ESRP1: variants seen among roughly 807,000 people sequenced by gnomAD.
The protein encoded by ESRP1 is RNA-binding motif protein 35A.
ESRP1 carries 33 observed loss-of-function variants against 81.7 expected under a neutral mutation model. The ratio of observed to expected loss-of-function variants is 0.40; its 90% CI spans 0.31 to 0.54. The LOEUF is 0.54. Ranked by LOEUF, ESRP1 falls within the 20% of genes least tolerant of loss-of-function variation. The probability of loss-of-function intolerance (pLI) is 0.41; values close to 1 mark genes in which losing one functional copy is unlikely to be tolerated. For missense variants in ESRP1, 672 were observed against 833.1 expected, an observed-to-expected ratio of 0.81 and a Z score of 2.38; for synonymous variants, 320 against 303.3, an observed-to-expected ratio of 1.06 and a Z score of -0.57.
intron 2 of ESRP1, among the ~76,000 whole-genome samples, chr8:94,642,999 C>T (rs935196580): frequency 2.6e-5 from 4 of 152,216 alleles, no homozygotes; most frequent in African/African-American, 9.6e-5. Context: ...AATCTGCAGG[C>T]AACCTGCTGA....
At chr8:94,654,676 CT>C (rs1375776722) in intron 4 of ESRP1, among the ~76,000 whole-genome samples, 13 of 152,042 alleles carry the variant, frequency 8.6e-5, no homozygotes, top group Non-Finnish European at 1.5e-5. Context: ...AATCTCACCA[CT>C]TTGGGAAGCT....
At chr8:94,660,530 G>C (rs915273089) in intron 4 of ESRP1, among the ~76,000 whole-genome samples, 1 of 151,932 alleles carries the variant, frequency 6.6e-6, no homozygotes, top group Non-Finnish European at 1.5e-5. Context: ...GCTGAGGTCA[G>C]GAGTTCGAGA....
chr8:94,668,230 A>C lies in ESRP1; in HGVS notation c.1213A>C (p.Thr405Pro). 6.3e-7 allele frequency: 1 copy of C among 1,588,256 alleles called. No homozygotes were observed. Among genetic ancestry groups the C allele is most frequent in the African/African-American group, 1.3e-5 (1 of 74,336 alleles). ...AAGATACATTGAACTCTTCAGGAGC[A>C]CAGCAGCTGAAGTTCAGCAGGTTGG... The part of the protein sequence containing the change: ...GKRYIELFRS[T>P]AAEVQQVLNR... The change falls in exon 10 of 16, where the codon ACA (threonine) becomes CCA (proline). Residue 405 changes from threonine to proline, a missense_variant. Coordinates refer to ENST00000433389, the MANE Select transcript of ESRP1 (RefSeq NM_017697.4).
intron 14 of ESRP1, among the ~76,000 whole-genome samples, chr8:94,693,642 C>T (rs565569328): frequency 2.6e-5 from 4 of 152,246 alleles, no homozygotes; most frequent in South Asian, 2.1e-4. Context: ...TGGATCTGAA[C>T]GTTGCTTGAG....
At chr8:94,669,073 CCA>C (rs1819173765) in intron 10 of ESRP1, among the ~76,000 whole-genome samples, 1 of 152,138 alleles carries the variant, frequency 6.6e-6, no homozygotes, top group African/African-American at 2.4e-5. Context: ...GCATGAGCCA[CCA>C]CGCCTGGCAA....
At chr8:94,643,198 A>C in intron 2 of ESRP1, 105 bp from the exon 3 acceptor site, 99 of 679,766 alleles carry the variant, frequency 1.5e-4, no homozygotes, top group Non-Finnish European at 2.2e-4. Context: ...GTCACCCATC[A>C]GGGCCCTTAT....
At chr8:94,680,481 G>A (rs1386021411) in intron 13 of ESRP1, among the ~76,000 whole-genome samples, 2 of 152,048 alleles carry the variant, frequency 1.3e-5, no homozygotes, top group African/African-American at 4.8e-5. Context: ...GGGCTGGAGT[G>A]CAATGGCGTG....
chr8:94,692,042 T>C (rs552855457), intron 13 of ESRP1, among the ~76,000 whole-genome samples: 28 of 152,284 alleles, frequency 1.8e-4, no homozygotes, highest in African/African-American at 6.0e-4. Flanking sequence ...GTTGCAGATA[T>C]ACCGGAAGAC....
chr8:94,678,840 C>T (rs1808748617), intron 13 of ESRP1, among the ~76,000 whole-genome samples: 1 of 152,092 alleles, frequency 6.6e-6, no homozygotes, highest in African/African-American at 2.4e-5. Context: ...TAAACCAATC[C>T]AGAATTAGAT....
rs185754994 is a variant in ESRP1, at chr8:94,664,342, G to C, written c.645-355G>C. On this transcript the variant is annotated intron_variant, in intron 6 of 15. Coordinates refer to ENST00000433389, the MANE Select transcript of ESRP1 (RefSeq NM_017697.4). ...TTTTACCATGTTGGCCAGGCTGGTC[G>C]CAAACTCCTGACCTCGGGTGATCCA... is the stretch of plus-strand genomic sequence containing the variant. 4.1e-3 allele frequency among the ~76,000 whole-genome samples: 621 copies of C among 151,944 alleles called. 3 individuals carry two copies. In the Middle Eastern group the frequency reaches 0.051, roughly 13 times the overall value.
intron 4 of ESRP1, among the ~76,000 whole-genome samples, chr8:94,650,703 G>GT (rs1818078179): frequency 6.6e-6 from 1 of 150,666 alleles, no homozygotes; most frequent in African/African-American, 2.4e-5. Context: ...ATGGACATAG[G>GT]TTTTTTAAAT....
intron 13 of ESRP1, 102 bp from the exon 14 acceptor site, chr8:94,692,575 G>T (rs974835249): frequency 2.4e-6 from 3 of 1,258,966 alleles, no homozygotes; most frequent in Non-Finnish European, 3.3e-6. Context: ...TATAAGAAAG[G>T]TTGCCTTGAG....
At chr8:94,641,549 T>G in intron 1 of ESRP1, 99 bp downstream of exon 1, 1 of 1,512,680 alleles carries the variant, frequency 6.6e-7, no homozygotes. Context: ...AAATAAGTGC[T>G]CTTGTTTGCC....
At chr8:94,690,276 A>AT (rs373440584) in intron 13 of ESRP1, among the ~76,000 whole-genome samples, 5,460 of 61,278 alleles carry the variant, frequency 0.089, 795 homozygotes, top group African/African-American at 0.1. Context: ...TGCCTGGCTA[A>AT]TTTTTTTTTT....
Position 94,696,936 on chromosome 8 carries a change from C to CA in ESRP1, c.*11dup. 1 of 1,573,724 alleles carries CA rather than the reference C, an allele frequency of 6.4e-7. No homozygotes were observed. Among genetic ancestry groups the CA allele is most frequent in the African/African-American group, 1.3e-5 (1 of 74,224 alleles). ...ATGGGTTTGTATTTAAGGGCCCCAG[C>CA]AGTTAGAACATCCTCAGAAAAGAAG... is the stretch of plus-strand genomic sequence containing the variant. On this transcript the variant is annotated 3_prime_UTR_variant, in exon 15 of 16. Transcript: ENST00000433389.
At chr8:94,671,333 A>C (rs79307344) in intron 10 of ESRP1, 120 bp from the exon 11 acceptor site, 30,582 of 662,002 alleles carry the variant, frequency 0.046, 922 homozygotes, top group Non-Finnish European at 0.057. Context: ...CATATTTATT[A>C]GGTCTGGGGT....
At chr8:94,669,557 C>T (rs1320953192) in intron 10 of ESRP1, among the ~76,000 whole-genome samples, 1 of 152,070 alleles carries the variant, frequency 6.6e-6, no homozygotes, top group Non-Finnish European at 1.5e-5. Context: ...AAACTAGCTA[C>T]ATTCTTACAA....
chr8:94,706,122 G>A lies in ESRP1; in HGVS notation c.*233G>A, dbSNP rs1352833867. On this transcript the variant is annotated 3_prime_UTR_variant, in exon 16 of 16. Transcript: ENST00000433389. ...AATCGTAACTTACAGCAAGCAGCAT[G>A]CAGCATACCTGGCTCTTTGCTGATT... 7 of 587,038 alleles carry A rather than the reference G, an allele frequency of 1.2e-5. No individual in the cohort carries two copies. Among genetic ancestry groups the A allele is most frequent in the African/African-American group, 1.1e-4 (6 of 53,150 alleles). 36.4% of individuals were successfully genotyped at this position (587,038 alleles called of 1,614,324 possible).
rs1369554189 is a variant in ESRP1, at chr8:94,692,710, C to G, written c.1854C>G (p.Phe618Leu). The G allele has an allele frequency of 6.2e-7, 1 of 1,613,804 alleles. No individual in the cohort carries two copies. Among genetic ancestry groups the G allele is most frequent in the African/African-American group, 1.3e-5 (1 of 74,914 alleles). Residue 618 changes from phenylalanine (F) to leucine (L), a missense_variant, in exon 14 of 16, where the codon TTC becomes TTG. Coordinates refer to ENST00000433389, the MANE Select transcript of ESRP1 (RefSeq NM_017697.4). ...GTTCGCCTAATAGTCTTGGCTACTT[C>G]CCTACAGCTGCTAATCTTAGCGGTG... ...PPGSPNSLGY[F>L]PTAANLSGVP...
Sources: allele counts gnomAD v4.1 joint callset (sites outside exome capture counted in the v4.1 genomes callset), GRCh38; gene constraint gnomAD v4.1.1; transcripts MANE v1.5; gene names NCBI Gene and HGNC (gene_info 2026-07-23, HGNC 2026-07-21).